The following EPC2 variants were observed in gnomAD, a reference collection of about 807,000 sequenced individuals.
EPC2 encodes enhancer of polycomb homolog 2.
A neutral mutation model predicts 92.1 loss-of-function variants in EPC2; 14 were observed. That is an observed-to-expected ratio of 0.15 (90% CI 0.10 to 0.24). EPC2 has a LOEUF of 0.24. Among genes scored for constraint, EPC2 ranks in the 10% least tolerant of loss-of-function variants. The pLI, the probability that EPC2 is intolerant of heterozygous loss-of-function variation, is 1.00. For missense variants in EPC2, 755 were observed against 971.5 expected, an observed-to-expected ratio of 0.78 and a Z score of 2.96; for synonymous variants, 340 against 334.7, an observed-to-expected ratio of 1.02 and a Z score of -0.17.
rs1050368495 is a variant in EPC2, at chr2:148,771,077, C to T, written c.1410C>T (p.Asp470=). 5 of 1,611,298 alleles carry T rather than the reference C, an allele frequency of 3.1e-6. No individual in the cohort carries two copies. The African/African-American group carries it at 5.3e-5, about 17-fold the overall frequency. Residue 470 remains aspartate, a synonymous_variant, in exon 10 of 14, where the codon GAC becomes GAT. Transcript: ENST00000258484. ...TGGACCGAATATCCACAGAACATGA[C>T]CCAGTCCTGAAACAGATAGACCCTG... ...VIMDRISTEH[D]PVLKQIDPEM...
intron 2 of EPC2, among the ~76,000 whole-genome samples, chr2:148,726,758 G>GTT (rs1448355101): frequency 4.0e-5 from 3 of 75,270 alleles, no homozygotes; most frequent in South Asian, 3.9e-4. Context: ...TTTTTGTTTT[G>GTT]TTTTTTGTTT....
At chr2:148,761,315 A>T (rs955446461) in intron 4 of EPC2, among the ~76,000 whole-genome samples, 2 of 152,224 alleles carry the variant, frequency 1.3e-5, no homozygotes, top group Admixed American at 6.5e-5. Flanking sequence ...TCATGTTCAC[A>T]TAATAGTACA....
chr2:148,735,505 A>G (rs1440702429), intron 2 of EPC2, among the ~76,000 whole-genome samples: 2 of 151,980 alleles, frequency 1.3e-5, no homozygotes, highest in African/African-American at 2.4e-5. Context: ...TATATTCTAC[A>G]TATTTATCTT....
At chr2:148,748,609 A>G (rs903505636) in intron 3 of EPC2, among the ~76,000 whole-genome samples, 2 of 152,250 alleles carry the variant, frequency 1.3e-5, no homozygotes, top group East Asian at 3.9e-4. Context: ...ATATATAATG[A>G]GATTATTTGG....
chr2:148,781,925 T>A (rs1433721803), intron 11 of EPC2, 145 bp downstream of exon 11: 2 of 890,052 alleles, frequency 2.2e-6, no homozygotes, highest in South Asian at 3.6e-5. Flanking sequence ...TCAGTTAATG[T>A]ACGTAATTTT....
At chr2:148,706,961 T>A (rs1682014651) in intron 2 of EPC2, among the ~76,000 whole-genome samples, 1 of 152,178 alleles carries the variant, frequency 6.6e-6, no homozygotes, top group Middle Eastern at 3.2e-3. Flanking sequence ...AATAACTAGC[T>A]AACATCATAA....
At chr2:148,717,544 G>A (rs1682284289) in intron 2 of EPC2, among the ~76,000 whole-genome samples, 1 of 152,114 alleles carries the variant, frequency 6.6e-6, no homozygotes, top group Non-Finnish European at 1.5e-5. Context: ...CATGTAGTTA[G>A]TTGTGTGGTT....
intron 1 of EPC2, among the ~76,000 whole-genome samples, chr2:148,657,192 A>G (rs778360770): frequency 9.8e-5 from 15 of 152,288 alleles, no homozygotes; most frequent in Non-Finnish European, 2.2e-4. Context: ...GACTAAAGAA[A>G]CAGTGCTGCT....
chr2:148,660,105 A>T (rs1680902366), intron 1 of EPC2, among the ~76,000 whole-genome samples: 1 of 152,020 alleles, frequency 6.6e-6, no homozygotes, highest in Non-Finnish European at 1.5e-5. Flanking sequence ...TCTCTGAGAT[A>T]TCTCTGTGGT....
At chr2:148,650,631 C>A (rs957563278) in intron 1 of EPC2, among the ~76,000 whole-genome samples, 1 of 151,848 alleles carries the variant, frequency 6.6e-6, no homozygotes, top group Non-Finnish European at 1.5e-5. Context: ...TAATTTTTGC[C>A]GTTATGTTAA....
rs1366368009 is a variant in EPC2, at chr2:148,786,584, A to G, written c.*207A>G. 2.3e-6 allele frequency: 1 copy of G among 429,434 alleles called. No individual in the cohort carries two copies. The highest frequency in any genetic ancestry group is 4.2e-6 in the Non-Finnish European group (1 of 236,746). The allele number at this position is 429,434 out of a possible 1,614,324, so 26.6% of individuals were successfully genotyped here. The stretch of plus-strand genomic sequence containing the variant: ...GTAAAATAGTTTATTTGTATCATCA[A>G]TATTATTTCTGTTACTTGAATAGTA... On this transcript the variant is annotated 3_prime_UTR_variant, in exon 14 of 14. Transcript: ENST00000258484.
At chr2:148,741,623 C>G (rs1682881141) in intron 2 of EPC2, among the ~76,000 whole-genome samples, 1 of 152,130 alleles carries the variant, frequency 6.6e-6, no homozygotes, top group Non-Finnish European at 1.5e-5. Context: ...GTAGGATATT[C>G]ATTTACACAT....
At chr2:148,708,363 A>G (rs1682054290) in intron 2 of EPC2, among the ~76,000 whole-genome samples, 1 of 152,166 alleles carries the variant, frequency 6.6e-6, no homozygotes, top group African/African-American at 2.4e-5. Flanking sequence ...TAGCCTACCA[A>G]CCAAAAAAAG....
intron 1 of EPC2, among the ~76,000 whole-genome samples, chr2:148,681,915 CT>C (rs1681405340): frequency 6.6e-6 from 1 of 152,118 alleles, no homozygotes; most frequent in South Asian, 2.1e-4. Flanking sequence ...TGTTCCCCAC[CT>C]TGTGTCCAAG....
intron 1 of EPC2, among the ~76,000 whole-genome samples, chr2:148,676,098 G>A (rs1237375037): frequency 6.6e-6 from 1 of 150,862 alleles, no homozygotes; most frequent in Non-Finnish European, 1.5e-5. Flanking sequence ...GGTACTCATT[G>A]TGTATGACTA....
intron 2 of EPC2, among the ~76,000 whole-genome samples, chr2:148,696,891 C>T (rs116195576): frequency 0.01 from 1,594 of 152,296 alleles, 13 homozygotes; most frequent in Non-Finnish European, 0.016. Flanking sequence ...TGTCTACCTA[C>T]AAAAATATTT....
Position 148,645,185 on chromosome 2 carries a change from G to GT in EPC2, c.153+18dup, listed in dbSNP as rs541852202. The stretch of plus-strand genomic sequence containing the variant: ...AGGAGGAATCGGTAGGGACTCGAGT[G>GT]TTTATTACCCCCCCTTCCCTCCTCC... On this transcript the variant is annotated intron_variant, in intron 1 of 13. Transcript: ENST00000258484. 2,165 of 1,593,458 alleles carry GT rather than the reference G, an allele frequency of 1.4e-3. 30 individuals are homozygous for GT. The highest frequency in any genetic ancestry group is 1.7e-4 in the Non-Finnish European group (204 of 1,169,086).
At chr2:148,751,025 T>A (rs1169688744) in intron 3 of EPC2, among the ~76,000 whole-genome samples, 1 of 152,112 alleles carries the variant, frequency 6.6e-6, no homozygotes, top group African/African-American at 2.4e-5. Context: ...TTAATTAATT[T>A]GTGTTTGTCT....
At chr2:148,756,169 A>G (rs1683186355) in intron 4 of EPC2, among the ~76,000 whole-genome samples, 1 of 152,184 alleles carries the variant, frequency 6.6e-6, no homozygotes, top group Non-Finnish European at 1.5e-5. Flanking sequence ...TCACTAATAC[A>G]GGTTTTCCTG....
Sources: gnomAD v4.1 joint callset for allele counts (sites outside exome capture counted in the v4.1 genomes callset) on GRCh38, gnomAD v4.1.1 for gene constraint, MANE v1.5 for transcripts, NCBI Gene and HGNC (gene_info 2026-07-23, HGNC 2026-07-21) for gene names.